The following CACNA1E variants were observed in gnomAD, a reference collection of about 807,000 sequenced individuals.
CACNA1E encodes calcium voltage-gated channel subunit alpha1 E.
In CACNA1E, 40 loss-of-function variants were observed where a neutral mutation model predicts 259.2. The ratio of observed to expected loss-of-function variants is 0.15; its 90% CI spans 0.12 to 0.20. The LOEUF (loss-of-function observed/expected upper bound fraction) is 0.20, where lower values mean the gene tolerates loss of function less well. Among genes scored for constraint, CACNA1E ranks in the 10% least tolerant of loss-of-function variants. The probability of loss-of-function intolerance (pLI) is 1.00; values close to 1 mark genes in which losing one functional copy is unlikely to be tolerated. For synonymous variants in CACNA1E, 1,104 were observed against 1,138.5 expected (o/e 0.97, Z 0.61); for missense variants, 1,874 against 3,040.1 (o/e 0.62, Z 9.02).
At chr1:181,337,600 G>A (rs1041530105) in intron 1 of CACNA1E, among the ~76,000 whole-genome samples, 1 of 152,144 alleles carries the variant, frequency 6.6e-6, no homozygotes, top group African/African-American at 2.4e-5. Flanking sequence ...CCACATGTAA[G>A]TGAGATAATG....
chr1:181,556,754 G>A (rs1648766003), intron 3 of CACNA1E, among the ~76,000 whole-genome samples: 1 of 152,184 alleles, frequency 6.6e-6, no homozygotes, highest in Admixed American at 6.5e-5. Flanking sequence ...GTCATGGACT[G>A]CTAAAGCTTC....
At chr1:181,787,745 C>A (rs539973690) in intron 43 of CACNA1E, among the ~76,000 whole-genome samples, 2 of 152,102 alleles carry the variant, frequency 1.3e-5, no homozygotes, top group Admixed American at 6.5e-5. Flanking sequence ...TTTAGAGAGT[C>A]CTTCCTGAGG....
At chr1:181,582,496 A>G (rs774754817) in intron 6 of CACNA1E, among the ~76,000 whole-genome samples, 1 of 152,052 alleles carries the variant, frequency 6.6e-6, no homozygotes, top group Non-Finnish European at 1.5e-5. Context: ...AGACTCACCT[A>G]AGTGATGTGA....
chr1:181,389,788 G>T (rs937341817), intron 1 of CACNA1E, among the ~76,000 whole-genome samples: 2 of 152,208 alleles, frequency 1.3e-5, no homozygotes, highest in Non-Finnish European at 2.9e-5. Context: ...TACTGGGGCT[G>T]CTGAGGAGAT....
At chr1:181,692,532 G>A (rs2102329607) in intron 7 of CACNA1E, among the ~76,000 whole-genome samples, 1 of 152,280 alleles carries the variant, frequency 6.6e-6, no homozygotes, top group East Asian at 1.9e-4. Flanking sequence ...CAACAAAGTT[G>A]ACAGAATTAA....
At chr1:181,325,644 T>C (rs946278039) in intron 1 of CACNA1E, among the ~76,000 whole-genome samples, 1 of 150,934 alleles carries the variant, frequency 6.6e-6, no homozygotes, top group Non-Finnish European at 1.5e-5. Flanking sequence ...TTTTTATTTT[T>C]ATTTATTTAT....
intron 1 of CACNA1E, among the ~76,000 whole-genome samples, chr1:181,495,943 C>A (rs1664708188): frequency 6.6e-6 from 1 of 152,174 alleles, no homozygotes; most frequent in Non-Finnish European, 1.5e-5. Context: ...CAGAGATAGG[C>A]ATTCTTGTTT....
intron 1 of CACNA1E, among the ~76,000 whole-genome samples, chr1:181,323,014 A>G (rs1297222332): frequency 6.6e-6 from 1 of 152,236 alleles, no homozygotes; most frequent in African/African-American, 2.4e-5. Context: ...CTGGGTAAAA[A>G]AATCTAGGGC....
In CACNA1E at chr1:181,785,808, C is replaced by A; in HGVS notation, c.5775C>A (p.Pro1925=). ...CCCTGCCTTACCTCCAGCAGGACCC[C>A]GTTTCAGGCCTGTGAGTAGCACCAA... ...AKALPYLQQD[P]VSGLSGRSGY... Residue 1925 remains proline, a synonymous_variant, in exon 43 of 48, where the codon CCC becomes CCA. Coordinates refer to ENST00000367573, the MANE Select transcript of CACNA1E (RefSeq NM_001205293.3). 6.2e-7 allele frequency: 1 copy of A among 1,604,960 alleles called. No individual in the cohort carries two copies. Among genetic ancestry groups the A allele is most frequent in the Non-Finnish European group, 8.5e-7 (1 of 1,175,718 alleles).
intron 2 of CACNA1E, among the ~76,000 whole-genome samples, chr1:181,437,490 G>A (rs879489941): frequency 3.9e-5 from 6 of 152,046 alleles, no homozygotes; most frequent in Admixed American, 2.0e-4. Context: ...CTCATCTCCT[G>A]CCCCTCCTAA....
At chr1:181,329,128 T>C (rs540860486) in intron 1 of CACNA1E, among the ~76,000 whole-genome samples, 29 of 152,162 alleles carry the variant, frequency 1.9e-4, no homozygotes, top group Non-Finnish European at 3.5e-4. Context: ...CAGGAGTCAT[T>C]GTTGATACTT....
intron 1 of CACNA1E, among the ~76,000 whole-genome samples, chr1:181,339,462 G>A (rs1161905357): frequency 6.6e-6 from 1 of 151,974 alleles, no homozygotes; most frequent in Non-Finnish European, 1.5e-5. Context: ...CTTCATTCAT[G>A]TTATATCATG....
chr1:181,747,676 G>T, intron 25 of CACNA1E, among the ~76,000 whole-genome samples: 1 of 152,136 alleles, frequency 6.6e-6, no homozygotes, highest in Non-Finnish European at 1.5e-5. Flanking sequence ...TAGTATCAGA[G>T]ACTAGCAAAG....
At chr1:181,562,196 A>G (rs1649399421) in intron 3 of CACNA1E, among the ~76,000 whole-genome samples, 1 of 152,138 alleles carries the variant, frequency 6.6e-6, no homozygotes, top group African/African-American at 2.4e-5. Flanking sequence ...CTTTGGGTCT[A>G]TACTTATAAT....
intron 1 of CACNA1E, among the ~76,000 whole-genome samples, chr1:181,318,820 G>A (rs1000724246): frequency 1.3e-5 from 2 of 152,188 alleles, no homozygotes; most frequent in Non-Finnish European, 2.9e-5. Flanking sequence ...ACAGGACTGG[G>A]AATTGGGGCT....
At chr1:181,785,550 A>C (rs1298393749) in intron 42 of CACNA1E, 132 bp downstream of exon 42, 3 of 866,568 alleles carry the variant, frequency 3.5e-6, no homozygotes, top group Non-Finnish European at 5.8e-6. Flanking sequence ...GGGCCCAAGA[A>C]CTTTCTAGTG....
intron 32 of CACNA1E, among the ~76,000 whole-genome samples, chr1:181,759,395 C>CTG (rs10677275): frequency 0.27 from 38,852 of 146,588 alleles, 5,034 homozygotes; most frequent in East Asian, 0.32. Context: ...AGGGGTGTGT[C>CTG]TGTGTGTGTG....
intron 2 of CACNA1E, among the ~76,000 whole-genome samples, chr1:181,456,642 TGAGCTTATTTATGTGCCTG>T (rs1023043675): frequency 3.9e-5 from 6 of 152,316 alleles, no homozygotes; most frequent in Admixed American, 3.9e-4. Flanking sequence ...TAGATCTGTT[TGAGCTTATTTATGTGCCTG>T]GAGTTGAGAG....
intron 6 of CACNA1E, among the ~76,000 whole-genome samples, chr1:181,617,731 C>T (rs1386448085): frequency 6.6e-6 from 1 of 152,174 alleles, no homozygotes. Context: ...AAGATTGCCT[C>T]CCACACCTCT....
Sources: allele counts gnomAD v4.1 joint callset (sites outside exome capture counted in the v4.1 genomes callset), GRCh38; gene constraint gnomAD v4.1.1; transcripts MANE v1.5; gene names NCBI Gene and HGNC (gene_info 2026-07-23, HGNC 2026-07-21).